Variants in CCDC85A observed in about 807,000 individuals in gnomAD.
CCDC85A encodes coiled-coil domain-containing protein 85A.
A neutral mutation model predicts 50.2 loss-of-function variants in CCDC85A; 38 were observed. The observed-to-expected ratio is 0.76, with a 90% CI of 0.58 to 0.99. The LOEUF (loss-of-function observed/expected upper bound fraction) is 0.99, where lower values mean the gene tolerates loss of function less well. CCDC85A is among the 50% of genes least tolerant of loss of function. The pLI is 0.00. For missense variants in CCDC85A, 820 were observed against 742.0 expected (o/e 1.11, Z -1.22); for synonymous variants, 366 against 301.4 (o/e 1.21, Z -2.22).
rs142378398 is a variant in CCDC85A at position 56,290,646 on chromosome 2, A to G, written c.1241-52233A>G. On this transcript the variant is annotated intron_variant, in intron 2 of 5. Transcript: ENST00000407595. ...ATTATGTAATCAAAACCCCTGGTCT[A>G]TAGATAATTGATTTTTAATTATCAT... 7.4e-3 allele frequency among the ~76,000 whole-genome samples: 1,120 copies of G among 152,360 alleles called. 12 individuals are homozygous for G. The highest frequency in any genetic ancestry group is 0.025 in the African/African-American group (1,047 of 41,594).
chr2:56,225,866 T>C (rs1668520351), intron 2 of CCDC85A, among the ~76,000 whole-genome samples: 2 of 152,180 alleles, frequency 1.3e-5, no homozygotes, highest in South Asian at 4.1e-4. Context: ...ATCTCCTGCT[T>C]TTTGTGTGTA....
chr2:56,245,596 A>G (rs995656603), intron 2 of CCDC85A, among the ~76,000 whole-genome samples: 1 of 152,090 alleles, frequency 6.6e-6, no homozygotes, highest in African/African-American at 2.4e-5. Context: ...TGCAAGGGGG[A>G]CCACTGGTGG....
At chr2:56,355,252 G>A (rs7562381) in intron 3 of CCDC85A, among the ~76,000 whole-genome samples, 2 of 151,924 alleles carry the variant, frequency 1.3e-5, no homozygotes, top group Admixed American at 1.3e-4. Context: ...GGCTCCAAAC[G>A]CATAGGAAAA....
At chr2:56,369,838 T>G (rs572042921) in intron 3 of CCDC85A, among the ~76,000 whole-genome samples, 1 of 152,250 alleles carries the variant, frequency 6.6e-6, no homozygotes, top group Admixed American at 6.5e-5. Context: ...CTTCGTTTTC[T>G]GAAAAACCCT....
chr2:56,373,158 G>T (rs535341320), intron 4 of CCDC85A, among the ~76,000 whole-genome samples: 12 of 152,234 alleles, frequency 7.9e-5, no homozygotes, highest in African/African-American at 2.6e-4. Flanking sequence ...TTTAACATCT[G>T]TTGGAAGTAA....
intron 2 of CCDC85A, among the ~76,000 whole-genome samples, chr2:56,243,087 T>C (rs1203481763): frequency 6.6e-6 from 1 of 152,162 alleles, no homozygotes; most frequent in Non-Finnish European, 1.5e-5. Context: ...TTTGGGTATT[T>C]AGTTATTAAA....
At chr2:56,276,660 A>G (rs1441890000) in intron 2 of CCDC85A, among the ~76,000 whole-genome samples, 1 of 152,186 alleles carries the variant, frequency 6.6e-6, no homozygotes, top group Non-Finnish European at 1.5e-5. Flanking sequence ...TAAGTCCAAT[A>G]AACCTCTTTG....
intron 3 of CCDC85A, among the ~76,000 whole-genome samples, chr2:56,359,885 C>A (rs1675435019): frequency 6.6e-6 from 1 of 152,166 alleles, no homozygotes; most frequent in Admixed American, 6.5e-5. Context: ...GTTTCTGCAG[C>A]ATCTGTTCAT....
At chr2:56,362,855 C>T (rs1558659705) in intron 3 of CCDC85A, among the ~76,000 whole-genome samples, 1 of 152,050 alleles carries the variant, frequency 6.6e-6, no homozygotes, top group African/African-American at 2.4e-5. Flanking sequence ...AACTCCTGAC[C>T]TCAGGTGATC....
intron 2 of CCDC85A, among the ~76,000 whole-genome samples, chr2:56,341,889 G>A (rs2104320651): frequency 6.6e-6 from 1 of 152,080 alleles, no homozygotes; most frequent in East Asian, 1.9e-4. Context: ...GTCAATGTCT[G>A]TAAGTTTGTG....
intron 2 of CCDC85A, among the ~76,000 whole-genome samples, chr2:56,241,340 T>C (rs897723212): frequency 6.6e-6 from 1 of 152,164 alleles, no homozygotes; most frequent in African/African-American, 2.4e-5. Flanking sequence ...AGTTATACTC[T>C]TTTAGGTTTT....
chr2:56,347,869 T>G (rs1674707351), intron 3 of CCDC85A, among the ~76,000 whole-genome samples: 1 of 152,234 alleles, frequency 6.6e-6, no homozygotes, highest in Non-Finnish European at 1.5e-5. Flanking sequence ...AAAGATTTTT[T>G]AATCCAGACA....
At chr2:56,316,956 A>G (rs1457734073) in intron 2 of CCDC85A, among the ~76,000 whole-genome samples, 1 of 152,128 alleles carries the variant, frequency 6.6e-6, no homozygotes, top group African/African-American at 2.4e-5. Flanking sequence ...GGCTAGAAAA[A>G]CATCCCTAAA....
intron 2 of CCDC85A, among the ~76,000 whole-genome samples, chr2:56,255,183 C>T (rs1669929904): frequency 6.6e-6 from 1 of 152,184 alleles, no homozygotes; most frequent in African/African-American, 2.4e-5. Flanking sequence ...CATGGCCCCA[C>T]TTCACGGCAA....
In CCDC85A at chr2:56,384,997, T is replaced by C. The variant is rs1676758866; in HGVS notation, c.*642T>C. On this transcript the variant is annotated 3_prime_UTR_variant, in exon 6 of 6. Transcript: ENST00000407595. ...ACCAGCTAGAAGGGTAGCAAGACGT[T>C]GTAGAGTGCTTATCAGAGAGTACCA... The C allele has an allele frequency of 6.6e-6, 1 of 152,340 alleles. No homozygotes were observed. Among genetic ancestry groups the C allele is most frequent in the Non-Finnish European group, 1.5e-5 (1 of 67,934 alleles). 9.4% of individuals were successfully genotyped at this position (152,340 alleles called of 1,614,324 possible).
chr2:56,272,742 A>G (rs1670750893), intron 2 of CCDC85A, among the ~76,000 whole-genome samples: 3 of 152,320 alleles, frequency 2.0e-5, no homozygotes, highest in South Asian at 4.1e-4. Context: ...AAATCCTTAC[A>G]TATGAGAGTC....
chr2:56,270,054 C>T (rs180893101), intron 2 of CCDC85A, among the ~76,000 whole-genome samples: 11 of 152,248 alleles, frequency 7.2e-5, no homozygotes, highest in Admixed American at 2.6e-4. Context: ...CAAATACACC[C>T]TACCTGTTTT....
chr2:56,374,685 T>C (rs531520180), intron 4 of CCDC85A, among the ~76,000 whole-genome samples: 17 of 152,270 alleles, frequency 1.1e-4, no homozygotes, highest in African/African-American at 3.8e-4. Context: ...GGCACATGCC[T>C]GTAGTCCCAG....
chr2:56,218,720 T>C (rs1183431633), intron 2 of CCDC85A, among the ~76,000 whole-genome samples: 2 of 151,878 alleles, frequency 1.3e-5, no homozygotes, highest in Non-Finnish European at 1.5e-5. Context: ...CTAGTGATGA[T>C]GTCCCCGAAA....
Sources: gnomAD v4.1 joint callset for allele counts (sites outside exome capture counted in the v4.1 genomes callset) on GRCh38, gnomAD v4.1.1 for gene constraint, MANE v1.5 for transcripts, NCBI Gene and HGNC (gene_info 2026-07-23, HGNC 2026-07-21) for gene names.